The following DPP6 variants were observed in gnomAD, a reference collection of about 807,000 sequenced individuals.
DPP6 encodes the protein A-type potassium channel modulatory protein DPP6.
Under a neutral mutation model 122.6 loss-of-function variants are expected in DPP6, and 69 were observed. The ratio of observed to expected loss-of-function variants is 0.56; its 90% CI spans 0.46 to 0.69. The LOEUF is 0.69. Ranked by LOEUF, DPP6 falls within the 30% of genes least tolerant of loss-of-function variation. The pLI, the probability that DPP6 is intolerant of heterozygous loss-of-function variation, is 0.00. For synonymous variants in DPP6, 418 were observed against 433.1 expected, an observed-to-expected ratio of 0.97 and a Z score of 0.43; for missense variants, 928 against 1,116.9, an observed-to-expected ratio of 0.83 and a Z score of 2.41.
chr7:154,667,217 G>C (rs570144901), intron 6 of DPP6, among the ~76,000 whole-genome samples: 113 of 151,580 alleles, frequency 7.5e-4, no homozygotes, highest in Non-Finnish European at 1.4e-3. Flanking sequence ...TTGTATGTTA[G>C]GGATATTAGC....
intron 16 of DPP6, among the ~76,000 whole-genome samples, chr7:154,807,848 T>C (rs1481551185): frequency 6.6e-6 from 1 of 152,030 alleles, no homozygotes; most frequent in Non-Finnish European, 1.5e-5. Context: ...AAAAAAGGAT[T>C]GAGGTTATGT....
At chr7:154,799,583 G>C (rs146282658) in intron 12 of DPP6, among the ~76,000 whole-genome samples, 1 of 152,210 alleles carries the variant, frequency 6.6e-6, no homozygotes, top group African/African-American at 2.4e-5. Flanking sequence ...CAAAATTTGG[G>C]CTGGAAGGGG....
chr7:154,190,658 T>C (rs1417782591), intron 1 of DPP6, among the ~76,000 whole-genome samples: 3 of 152,190 alleles, frequency 2.0e-5, no homozygotes, highest in Non-Finnish European at 4.4e-5. Flanking sequence ...GAGCTTGCTA[T>C]TGATTACGCA....
the DPP6 span, among the ~76,000 whole-genome samples, chr7:153,760,425 T>G: frequency 1.3e-5 from 2 of 152,182 alleles, no homozygotes; most frequent in Admixed American, 6.5e-5. Flanking sequence ...ATTGTTTTGC[T>G]TCTCTGCAAG....
chr7:153,809,313 GT>G, the DPP6 span, among the ~76,000 whole-genome samples: 1 of 152,054 alleles, frequency 6.6e-6, no homozygotes, highest in South Asian at 2.1e-4. Context: ...CTGCTTTTCA[GT>G]GCCTTAAAGT....
At chr7:154,883,967 C>T (rs1455483190) in intron 21 of DPP6, 2 of 149,332 alleles carry the variant, frequency 1.3e-5, no homozygotes, top group African/African-American at 2.5e-5. Context: ...TGCTCACACA[C>T]ACGATTACAT....
intron 1 of DPP6, among the ~76,000 whole-genome samples, chr7:154,409,627 C>T (rs1270425389): frequency 6.6e-6 from 1 of 152,174 alleles, no homozygotes; most frequent in Non-Finnish European, 1.5e-5. Context: ...TTAGCATGTA[C>T]CTACACTTGT....
At chr7:153,810,701 T>A in the DPP6 span, among the ~76,000 whole-genome samples, 3 of 126,112 alleles carry the variant, frequency 2.4e-5, no homozygotes, top group African/African-American at 8.1e-5. Context: ...TCTCTCTCTC[T>A]CTCTCTCTCT....
At chr7:153,907,110 A>G (rs1385333860) in intron 1 of DPP6, among the ~76,000 whole-genome samples, 3 of 152,242 alleles carry the variant, frequency 2.0e-5, no homozygotes, top group African/African-American at 7.2e-5. Flanking sequence ...ATTAATTTAC[A>G]TTTCTACCAA....
At chr7:154,674,259 C>G (rs555424315) in intron 7 of DPP6, among the ~76,000 whole-genome samples, 1 of 152,310 alleles carries the variant, frequency 6.6e-6, no homozygotes, top group African/African-American at 2.4e-5. Context: ...TTTGTTTCTG[C>G]TGACCTAGAA....
chr7:154,018,587 A>G (rs1486736302), intron 1 of DPP6, among the ~76,000 whole-genome samples: 3 of 152,240 alleles, frequency 2.0e-5, no homozygotes, highest in Non-Finnish European at 4.4e-5. Context: ...GCTTTTCAAT[A>G]GAGTGGTTGC....
intron 1 of DPP6, among the ~76,000 whole-genome samples, chr7:154,131,627 A>G (rs1377580395): frequency 6.6e-6 from 1 of 152,300 alleles, no homozygotes; most frequent in East Asian, 1.9e-4. Flanking sequence ...GTTTGATTAA[A>G]TCAATAAGTG....
Position 154,063,565 on chromosome 7 carries a change from C to T in DPP6, c.243+10502C>T, listed in dbSNP as rs569370013. Reference sequence around the variant, plus strand: ...GAGGGTGGGGACTGAGAGCTATCCCCTCTTCCGCCTCTGGCTGATAGTACC... The same window carrying T: ...GAGGGTGGGGACTGAGAGCTATCCCTTCTTCCGCCTCTGGCTGATAGTACC... On this transcript the variant is annotated intron_variant, in intron 1 of 25. Transcript: ENST00000377770. Among the ~76,000 whole-genome samples the T allele has an allele frequency of 8.1e-4, 88 of 108,942 alleles. 5 individuals are homozygous for T. Among genetic ancestry groups the T allele is most frequent in the Non-Finnish European group, 1.1e-3 (56 of 52,106 alleles). 71.5% of individuals were successfully genotyped at this position (108,942 alleles called of 152,430 possible).
the DPP6 span, among the ~76,000 whole-genome samples, chr7:153,825,625 T>A: frequency 6.6e-6 from 1 of 152,180 alleles, no homozygotes; most frequent in African/African-American, 2.4e-5. Context: ...AGAGGCATGA[T>A]TTCAGCTCAC....
At chr7:154,687,042 G>C (rs529325127) in intron 7 of DPP6, among the ~76,000 whole-genome samples, 1 of 151,510 alleles carries the variant, frequency 6.6e-6, no homozygotes, top group South Asian at 2.1e-4. Flanking sequence ...TGAACATTAT[G>C]TAACTGTTAC....
intron 1 of DPP6, among the ~76,000 whole-genome samples, chr7:154,299,189 C>G (rs371918527): frequency 9.2e-5 from 14 of 152,352 alleles, no homozygotes; most frequent in African/African-American, 3.4e-4. Context: ...TTCCCAGACC[C>G]TTCCCCTCAA....
At chr7:154,724,484 T>A (rs1245448770) in intron 7 of DPP6, among the ~76,000 whole-genome samples, 1 of 152,222 alleles carries the variant, frequency 6.6e-6, no homozygotes, top group Non-Finnish European at 1.5e-5. Flanking sequence ...AACAGGCTCC[T>A]CTCATTTGAG....
chr7:154,419,441 T>C (rs1817276171), intron 1 of DPP6, among the ~76,000 whole-genome samples: 1 of 152,242 alleles, frequency 6.6e-6, no homozygotes, highest in African/African-American at 2.4e-5. Flanking sequence ...CCATCTCTCT[T>C]GGCTGCTTGA....
Position 154,486,336 on chromosome 7 carries a change from G to T in DPP6, c.457+11299G>T, listed in dbSNP as rs1823796737. On this transcript the variant is annotated intron_variant, in intron 3 of 25. Transcript: ENST00000377770. This position sits in a 1 kb window ranked among gnomAD's most constrained non-coding sequence, Gnocchi z 4.5. ...TTTAGAAGAGACAGGGTTGCACCATGTTGGTCAGGCTGGTCTCGAACTACT... is the reference window on the plus strand; with the variant it reads ...TTTAGAAGAGACAGGGTTGCACCATTTTGGTCAGGCTGGTCTCGAACTACT... Among the ~76,000 whole-genome samples, 1 of 152,078 alleles carries T rather than the reference G, an allele frequency of 6.6e-6. No homozygotes were observed. The highest frequency in any genetic ancestry group is 2.1e-4 in the South Asian group (1 of 4,824).
Sources: gnomAD v4.1 joint callset for allele counts (sites outside exome capture counted in the v4.1 genomes callset) on GRCh38, gnomAD v4.1.1 for gene constraint, Gnocchi (gnomAD v3.1) non-coding constraint, MANE v1.5 for transcripts, NCBI Gene and HGNC (gene_info 2026-07-23, HGNC 2026-07-21) for gene names.